The following WNT9B variants were observed in gnomAD, a reference collection of about 807,000 sequenced individuals.
The protein encoded by WNT9B is protein Wnt-9b.
A neutral mutation model predicts 30.2 loss-of-function variants in WNT9B; 12 were observed. The ratio of observed to expected loss-of-function variants is 0.40; its 90% CI spans 0.26 to 0.64. The LOEUF is 0.64. Among genes scored for constraint, WNT9B ranks in the 30% least tolerant of loss-of-function variants. The pLI is 0.42. For synonymous variants in WNT9B, 218 were observed against 216.9 expected (o/e 1.01, Z -0.05); for missense variants, 442 against 485.2 (o/e 0.91, Z 0.84).
upstream of WNT9B, among the ~76,000 whole-genome samples, chr17:46,847,749 G>A (rs1400260624): frequency 2.0e-5 from 3 of 152,208 alleles, no homozygotes; most frequent in East Asian, 5.8e-4. Flanking sequence ...GGAGATTAGA[G>A]GAGAGAGCCA....
At position 46,851,588 on chromosome 17, in the gene WNT9B, C is replaced by A. The variant is rs951091493; in HGVS notation, c.-51C>A. 2.2e-5 allele frequency: 24 copies of A among 1,082,394 alleles called. No individual in the cohort carries two copies. Among genetic ancestry groups the A allele is most frequent in the Non-Finnish European group, 2.6e-5 (22 of 851,184 alleles). The allele number at this position is 1,082,394 out of a possible 1,614,324, so 67.0% of individuals were successfully genotyped here. ...CCGCGGGCGGGTGGTGGCGGAGCTGCGAGCTTGAGCGGCGCGAGGAGATGC... is the reference window on the plus strand; with the variant it reads ...CCGCGGGCGGGTGGTGGCGGAGCTGAGAGCTTGAGCGGCGCGAGGAGATGC... On this transcript the variant is annotated 5_prime_UTR_variant, in exon 1 of 4. Coordinates refer to ENST00000290015, the MANE Select transcript of WNT9B (RefSeq NM_003396.3). The surrounding 1 kb of genome is among the most constrained non-coding windows in gnomAD (Gnocchi z 4.3).
At chr17:46,856,738 C>T (rs2084945631) in intron 1 of WNT9B, among the ~76,000 whole-genome samples, 1 of 150,656 alleles carries the variant, frequency 6.6e-6, no homozygotes, top group Non-Finnish European at 1.5e-5. Context: ...CCCACCTCAG[C>T]CTCCCAAAGT....
intron 1 of WNT9B, among the ~76,000 whole-genome samples, chr17:46,852,801 T>C (rs2084876154): frequency 6.6e-6 from 1 of 152,112 alleles, no homozygotes; most frequent in African/African-American, 2.4e-5. Context: ...AGTGACCTGC[T>C]AGAGGCTGCT....
chr17:46,874,114 A>G (rs2085302884), intron 2 of WNT9B, among the ~76,000 whole-genome samples: 1 of 151,994 alleles, frequency 6.6e-6, no homozygotes, highest in African/African-American at 2.4e-5. Flanking sequence ...GGACATCACC[A>G]GCACCCAGAT....
chr17:46,861,116 C>G (rs1460886436), intron 1 of WNT9B, among the ~76,000 whole-genome samples: 1 of 152,248 alleles, frequency 6.6e-6, no homozygotes, highest in African/African-American at 2.4e-5. Context: ...CAGTGGAACC[C>G]CAACTGGAGG....
chr17:46,875,134 C>G lies in WNT9B; in HGVS notation c.368C>G (p.Ser123Cys), dbSNP rs1328620420. ...GAGACAGCTTTCCTGTACGCGGTGT[C>G]CTCTGCCGCCCTCACCCACACCCTG... ...FKETAFLYAVSSAALTHTLAR... is the reference protein window; with the variant it reads ...FKETAFLYAVCSAALTHTLAR... Residue 123 changes from serine (S) to cysteine (C), a missense_variant, in exon 3 of 4, where the codon TCC becomes TGC. Ser to Cys is a moderately radical substitution (Grantham distance 112). Coordinates refer to ENST00000290015, the MANE Select transcript of WNT9B (RefSeq NM_003396.3). The G allele has an allele frequency of 6.2e-7, 1 of 1,613,952 alleles. No individual in the cohort carries two copies. The highest frequency in any genetic ancestry group is 1.7e-5 in the Admixed American group (1 of 60,038).
intron 1 of WNT9B, among the ~76,000 whole-genome samples, chr17:46,852,555 G>T (rs1344441980): frequency 6.8e-6 from 1 of 146,446 alleles, no homozygotes; most frequent in Non-Finnish European, 1.5e-5. Flanking sequence ...TGGAGCAAAA[G>T]TTATAGGGCA....
In WNT9B at chr17:46,873,866, G is replaced by A. The variant is rs553688372; in HGVS notation, c.334+1093G>A. On this transcript the variant is annotated intron_variant, in intron 2 of 3. Coordinates refer to ENST00000290015, the MANE Select transcript of WNT9B (RefSeq NM_003396.3). ...TTAGCTGGCATGGTGGCAGGAGCCT[G>A]TAATCCCAGCTACTTGGGAGGCTGA... Among the ~76,000 whole-genome samples, 13 of 152,008 alleles carry A rather than the reference G, an allele frequency of 8.6e-5. No homozygotes were observed. In the South Asian group the frequency reaches 1.7e-3, roughly 19 times the overall value.
chr17:46,871,688 T>C (rs1216056321), intron 1 of WNT9B, among the ~76,000 whole-genome samples: 1 of 152,172 alleles, frequency 6.6e-6, no homozygotes, highest in Non-Finnish European at 1.5e-5. Context: ...CAAGATTGCA[T>C]AGCTAGAACA....
downstream of WNT9B, chr17:46,884,886 G>A: frequency 3.1e-6 from 1 of 325,290 alleles, no homozygotes; most frequent in South Asian, 2.3e-5. Flanking sequence ...TCCTATATTT[G>A]CTTCCTGACT....
Position 46,845,319 on chromosome 17 carries a change from C to A in WNT9B, c.95+11879C>A, listed in dbSNP as rs2084763135. On this transcript the variant is annotated intron_variant, in intron 1 of 2. Coordinates refer to the WNT9B transcript ENST00000575372. ...TCCGTGCCACCTGCCCAGCCATCTC[C>A]TAGTCTCTAGGTCAGCTCACTGTAT... 2.6e-5 allele frequency among the ~76,000 whole-genome samples: 4 copies of A among 152,044 alleles called. No individual in the cohort carries two copies. In the South Asian group the frequency reaches 8.3e-4, roughly 32 times the overall value.
At position 46,878,724 on chromosome 17, in the gene WNT9B, G is replaced by T. The variant is rs576450066; in HGVS notation, c.*2006G>T. ...CACTGGCAGAGCAGGGGGCCTGGGA[G>T]CAACGTGGAGGCCAGAGCACCCTGA... On this transcript the variant is annotated 3_prime_UTR_variant, in exon 4 of 4. Transcript: ENST00000290015. Among the ~76,000 whole-genome samples, 1 of 152,174 alleles carries T rather than the reference G, an allele frequency of 6.6e-6. No individual in the cohort carries two copies. The highest frequency in any genetic ancestry group is 1.5e-5 in the Non-Finnish European group (1 of 68,032).
chr17:46,835,076 C>A (rs1397594889), intron 1 of WNT9B, among the ~76,000 whole-genome samples: 3 of 152,212 alleles, frequency 2.0e-5, no homozygotes, highest in Non-Finnish European at 4.4e-5. Context: ...CTCACTGTAG[C>A]CTCCATCTCC....
At chr17:46,882,209 A>G (rs2085432476), downstream of WNT9B, among the ~76,000 whole-genome samples, 1 of 152,138 alleles carries the variant, frequency 6.6e-6, no homozygotes, top group Admixed American at 6.5e-5. Context: ...CCCAGGATCC[A>G]CTCAAGAATT....
At chr17:46,865,692 T>C (rs1345338741) in intron 1 of WNT9B, among the ~76,000 whole-genome samples, 1 of 152,120 alleles carries the variant, frequency 6.6e-6, no homozygotes, top group African/African-American at 2.4e-5. Context: ...CATGGCCCAC[T>C]GCAGCCTTGA....
At chr17:46,846,564 G>A (rs2084778308) in intron 1 of WNT9B, among the ~76,000 whole-genome samples, 1 of 152,236 alleles carries the variant, frequency 6.6e-6, no homozygotes, top group African/African-American at 2.4e-5. Flanking sequence ...GCAGAGGCAG[G>A]AATTGTCAGT....
At chr17:46,841,143 T>C (rs1023882521) in intron 1 of WNT9B, among the ~76,000 whole-genome samples, 3 of 152,156 alleles carry the variant, frequency 2.0e-5, no homozygotes, top group East Asian at 3.9e-4. Context: ...ACAAATCAAA[T>C]TTACCATTTA....
At chr17:46,865,351 G>T (rs1229967720) in intron 1 of WNT9B, among the ~76,000 whole-genome samples, 2 of 152,144 alleles carry the variant, frequency 1.3e-5, no homozygotes, top group East Asian at 3.9e-4. Flanking sequence ...AGGAAGTGGG[G>T]CTGTGCTTGG....
Position 46,878,930 on chromosome 17 carries a change from C to G in WNT9B, c.*2212C>G, listed in dbSNP as rs1238693419. On this transcript the variant is annotated 3_prime_UTR_variant, in exon 4 of 4. Coordinates refer to ENST00000290015, the MANE Select transcript of WNT9B (RefSeq NM_003396.3). ...CTTGTGGGGTCTTCTCTGTCTGTCT[C>G]TCTCCCTCTCTTCTTCCTTGCTCTC... Among the ~76,000 whole-genome samples the G allele has an allele frequency of 6.6e-6, 1 of 152,216 alleles. No individual in the cohort carries two copies. The highest frequency in any genetic ancestry group is 1.5e-5 in the Non-Finnish European group (1 of 68,046).
Sources: allele counts gnomAD v4.1 joint callset (sites outside exome capture counted in the v4.1 genomes callset), GRCh38; gene constraint gnomAD v4.1.1; non-coding constraint Gnocchi (gnomAD v3.1); transcripts MANE v1.5; gene names NCBI Gene and HGNC (gene_info 2026-07-23, HGNC 2026-07-21).